Variants in PRDM10 observed in about 807,000 individuals in gnomAD.
PRDM10 encodes PR/SET domain 10.
PRDM10 carries 65 observed loss-of-function variants against 133.1 expected under a neutral mutation model. The ratio of observed to expected loss-of-function variants is 0.49; its 90% CI spans 0.40 to 0.60. PRDM10 has a LOEUF of 0.60. Among genes scored for constraint, PRDM10 ranks in the 20% least tolerant of loss-of-function variants. PRDM10 has a pLI of 0.00. For synonymous variants in PRDM10, 582 were observed against 580.4 expected, an observed-to-expected ratio of 1.00 and a Z score of -0.04; for missense variants, 1,137 against 1,507.1, an observed-to-expected ratio of 0.75 and a Z score of 4.07.
At chr11:129,967,251 C>T (rs1010095310) in intron 1 of PRDM10, among the ~76,000 whole-genome samples, 2 of 152,060 alleles carry the variant, frequency 1.3e-5, no homozygotes, top group South Asian at 2.1e-4. Context: ...AATTAGCTGG[C>T]GTGGTGGCAT....
chr11:129,961,703 GA>G (rs1255675217), intron 1 of PRDM10, among the ~76,000 whole-genome samples: 2 of 151,960 alleles, frequency 1.3e-5, no homozygotes, highest in Admixed American at 6.5e-5. Context: ...CTCTATTTAA[GA>G]AAAAGAAATT....
chr11:129,961,115 C>A, intron 1 of PRDM10, 33 bp from the exon 2 acceptor site: 1 of 542,048 alleles, frequency 1.8e-6, no homozygotes, highest in Non-Finnish European at 3.3e-6. Flanking sequence ...CCAAGACTTT[C>A]AGTAGATAAA....
chr11:129,990,658 C>T (rs3740880), intron 1 of PRDM10, among the ~76,000 whole-genome samples: 22 of 151,724 alleles, frequency 1.5e-4, no homozygotes, highest in Admixed American at 8.5e-4. Context: ...TTTGTAGAGA[C>T]GGAGGTCTAG....
Position 129,923,535 on chromosome 11 carries a change from T to C in PRDM10, c.1879-132A>G, listed in dbSNP as rs902790764. ...TCATCAACCCCGCCGAGGAATCCAA[T>C]CAGATGTGATAATTGGCCTCAATAA... On this transcript the variant is annotated intron_variant, in intron 12 of 20. Transcript: ENST00000360871. This position sits in a 1 kb window ranked among gnomAD's most constrained non-coding sequence, Gnocchi z 4.4. 9.5e-6 allele frequency: 9 copies of C among 948,974 alleles called. No homozygotes were observed. The African/African-American group carries it at 1.5e-4, about 16-fold the overall frequency. The allele number at this position is 948,974 out of a possible 1,614,324, so 58.8% of individuals were successfully genotyped here.
At chr11:129,965,267 A>G (rs1397389338) in intron 1 of PRDM10, among the ~76,000 whole-genome samples, 1 of 152,212 alleles carries the variant, frequency 6.6e-6, no homozygotes, top group Non-Finnish European at 1.5e-5. Flanking sequence ...GAAAGAAAGA[A>G]AAGAAATCTA....
At position 129,918,454 on chromosome 11, in the gene PRDM10, C is replaced by T. The variant is rs1317252034; in HGVS notation, c.2214+85G>A. The T allele has an allele frequency of 1.4e-6, 2 of 1,470,300 alleles. No individual in the cohort carries two copies. Among genetic ancestry groups the T allele is most frequent in the African/African-American group, 1.4e-5 (1 of 70,928 alleles). The allele number at this position is 1,470,300 out of a possible 1,614,324, so 91.1% of individuals were successfully genotyped here. On this transcript the variant is annotated intron_variant, in intron 14 of 20. Coordinates refer to ENST00000360871, the MANE Select transcript of PRDM10 (RefSeq NM_199437.2). The surrounding 1 kb of genome is among the most constrained non-coding windows in gnomAD (Gnocchi z 5.3). Reference sequence around the variant, plus strand: ...AACCATTGATCGATATAACTTAGGACACAATGCAACACAAACGTCACCATC... The same window carrying T: ...AACCATTGATCGATATAACTTAGGATACAATGCAACACAAACGTCACCATC...
chr11:129,902,542 A>C (rs1453934162), intron 20 of PRDM10, 26 bp from the exon 21 acceptor site: 1 of 1,606,574 alleles, frequency 6.2e-7, no homozygotes, highest in Non-Finnish European at 8.5e-7. Context: ...AAGGATCCTT[A>C]AAAACTTGGG....
Position 129,910,554 on chromosome 11 carries a change from G to C in PRDM10, c.3085C>G (p.Gln1029Glu). Residue 1029 changes from glutamine to glutamate, a missense_variant, in exon 19 of 21, where the codon CAG becomes GAG. Gln to Glu is a conservative substitution (Grantham distance 29, BLOSUM62 2). Coordinates refer to ENST00000360871, the MANE Select transcript of PRDM10 (RefSeq NM_199437.2). ...GAATTCTGCTGCTGCTGCTGCTGCTGCTGCAGAGCCTGCCCCTGTGTGGAA... is the reference window on the plus strand; with the variant it reads ...GAATTCTGCTGCTGCTGCTGCTGCTCCTGCAGAGCCTGCCCCTGTGTGGAA... ...SSSTQGQALQ[Q>E]QQQQQQNSSV... The C allele has an allele frequency of 6.2e-7, 1 of 1,614,120 alleles. No homozygotes were observed. The highest frequency in any genetic ancestry group is 2.2e-5 in the East Asian group (1 of 44,884).
chr11:129,950,334 ACT>A (rs1170447698), intron 4 of PRDM10, among the ~76,000 whole-genome samples: 1 of 152,038 alleles, frequency 6.6e-6, no homozygotes, highest in African/African-American at 2.4e-5. Context: ...CATTTGAAAC[ACT>A]CTGTCTCCAG....
At chr11:129,941,090 A>G (rs915060790) in intron 7 of PRDM10, among the ~76,000 whole-genome samples, 4 of 152,182 alleles carry the variant, frequency 2.6e-5, no homozygotes, top group Non-Finnish European at 4.4e-5. Flanking sequence ...GATGGTTTCA[A>G]AAACAGAGGT....
Position 129,915,012 on chromosome 11 carries a change from T to G in PRDM10, c.2533A>C (p.Met845Leu). The G allele has an allele frequency of 6.3e-7, 1 of 1,577,644 alleles. No homozygotes were observed. The highest frequency in any genetic ancestry group is 8.6e-7 in the Non-Finnish European group (1 of 1,156,480). ...TGCTTCTTTCGAATGTGCTGGACCA[T>G]CTTGGTCTGAAAAAGCAAGGCAAAA... ...CSKQYSSKTKMVQHIRKKHPE... is the reference protein window; with the variant it reads ...CSKQYSSKTKLVQHIRKKHPE... Residue 845 changes from methionine (M) to leucine (L), a missense_variant, in exon 17 of 21, where the codon ATG becomes CTG. Met to Leu is a conservative substitution (Grantham distance 15). This residue lies in a region of PRDM10 where 113 missense variants were observed against 143.7 expected (regional missense o/e 0.79). Coordinates refer to ENST00000360871, the MANE Select transcript of PRDM10 (RefSeq NM_199437.2).
intron 1 of PRDM10, among the ~76,000 whole-genome samples, chr11:130,001,483 G>A (rs1311712552): frequency 6.6e-6 from 1 of 152,184 alleles, no homozygotes; most frequent in Non-Finnish European, 1.5e-5. Context: ...AGGCAAAGCA[G>A]CAGAATTAGG....
Position 129,918,490 on chromosome 11 carries a change from A to G in PRDM10, c.2214+49T>C. The G allele has an allele frequency of 6.3e-7, 1 of 1,575,012 alleles. No homozygotes were observed. Among genetic ancestry groups the G allele is most frequent in the Non-Finnish European group, 8.6e-7 (1 of 1,157,366 alleles). Reference sequence around the variant, plus strand: ...ACAAACGTCACCATCATCGACAGCAATGAGGTATGCTGGGAAGACAGAGGA... The same window carrying G: ...ACAAACGTCACCATCATCGACAGCAGTGAGGTATGCTGGGAAGACAGAGGA... On this transcript the variant is annotated intron_variant, in intron 14 of 20. Transcript: ENST00000360871. This position sits in a 1 kb window ranked among gnomAD's most constrained non-coding sequence, Gnocchi z 5.3.
At chr11:129,981,956 A>AT (rs1353498934) in intron 1 of PRDM10, among the ~76,000 whole-genome samples, 1 of 151,422 alleles carries the variant, frequency 6.6e-6, no homozygotes, top group African/African-American at 2.4e-5. Context: ...TTTTATCCTC[A>AT]TAAAAAAATT....
chr11:129,971,701 T>A (rs1262456722), intron 1 of PRDM10, among the ~76,000 whole-genome samples: 1 of 152,204 alleles, frequency 6.6e-6, no homozygotes. Flanking sequence ...ATTGGTGTGT[T>A]TACAATCCCT....
intron 1 of PRDM10, among the ~76,000 whole-genome samples, chr11:129,971,258 G>C (rs549601282): frequency 6.8e-4 from 103 of 152,272 alleles, no homozygotes; most frequent in African/African-American, 2.3e-3. Flanking sequence ...ACCCGAGCGA[G>C]TTGCCACCGC....
At chr11:129,942,751 T>C in intron 6 of PRDM10, 122 bp from the exon 7 acceptor site, 2 of 862,934 alleles carry the variant, frequency 2.3e-6, no homozygotes, top group Non-Finnish European at 3.5e-6. Flanking sequence ...GCTCTTTCCT[T>C]TGTATCTGCA....
rs1008321596 is a variant in PRDM10 at position 129,989,811 on chromosome 11, T to C, written c.-119+12911A>G. Among the ~76,000 whole-genome samples, 12 of 152,272 alleles carry C rather than the reference T, an allele frequency of 7.9e-5. No individual in the cohort carries two copies. The South Asian group carries it at 2.5e-3, about 32-fold the overall frequency. On this transcript the variant is annotated intron_variant, in intron 1 of 20. Coordinates refer to ENST00000360871, the MANE Select transcript of PRDM10 (RefSeq NM_199437.2). ...TTTCATAATTTAACACTACAATATG[T>C]AATATAAAACAGTGTAACTACTCGT...
rs912657423 is a variant in PRDM10, at chr11:129,900,142, A to C, written c.*2171T>G. 1.3e-5 allele frequency: 2 copies of C among 152,370 alleles called. No homozygotes were observed. Among genetic ancestry groups the C allele is most frequent in the Non-Finnish European group, 2.9e-5 (2 of 68,038 alleles). 9.4% of individuals were successfully genotyped at this position (152,370 alleles called of 1,614,324 possible). A position where few individuals can be genotyped will look rare whatever the true frequency, so the allele number is the denominator to read the frequency against. On this transcript the variant is annotated 3_prime_UTR_variant, in exon 21 of 21. Coordinates refer to ENST00000360871, the MANE Select transcript of PRDM10 (RefSeq NM_199437.2). ...AGGCCACAATATCCACACTGGCTAC[A>C]TACATGTTTTCCAAATTAAGTTTTC...
Sources: gnomAD v4.1 joint callset for allele counts (sites outside exome capture counted in the v4.1 genomes callset) on GRCh38, gnomAD v4.1.1 for gene constraint, gnomAD v4.1.1 regional missense constraint, Gnocchi (gnomAD v3.1) non-coding constraint, MANE v1.5 for transcripts, NCBI Gene and HGNC (gene_info 2026-07-23, HGNC 2026-07-21) for gene names.